The following DBF4 variants were observed in gnomAD, a reference collection of about 807,000 sequenced individuals.
DBF4 encodes the protein protein DBF4 homolog A.
In DBF4, 25 loss-of-function variants were observed where a neutral mutation model predicts 76.6. That is an observed-to-expected ratio of 0.33 (90% CI 0.24 to 0.46). The LOEUF (loss-of-function observed/expected upper bound fraction) is 0.46. Ranked by LOEUF, DBF4 falls within the 20% of genes least tolerant of loss-of-function variation. The pLI, the probability that DBF4 is intolerant of heterozygous loss-of-function variation, is 1.00. For synonymous variants in DBF4, 213 were observed against 258.0 expected (o/e 0.83, Z 1.67); for missense variants, 638 against 760.8 (o/e 0.84, Z 1.90).
rs749607020 is a variant in DBF4 at position 87,887,392 on chromosome 7, A to T, written c.514A>T (p.Ile172Phe). The T allele has an allele frequency of 6.4e-7, 1 of 1,569,788 alleles. No homozygotes were observed. Among genetic ancestry groups the T allele is most frequent in the East Asian group, 2.3e-5 (1 of 43,980 alleles). ...GTCATGGGGAGTAAAAATTCTTCAT[A>T]TTGATGGTAAGGATTTTATAATTGT... ...ALSWGVKILH[I>F]DDIRYYIEQK... The change falls in exon 5 of 12, where the codon ATT becomes TTT. Residue 172 changes from isoleucine to phenylalanine, a missense_variant. Physicochemically the swap from Ile to Phe is conservative, Grantham distance 21 (BLOSUM62 0). Transcript: ENST00000265728.
chr7:87,886,406 G>A (rs928220243), intron 3 of DBF4, among the ~76,000 whole-genome samples: 10 of 151,662 alleles, frequency 6.6e-5, no homozygotes, highest in East Asian at 1.9e-4. Flanking sequence ...ATGATGGTGC[G>A]TGCCTGTAGT....
At chr7:87,889,865 A>C (rs1213310071) in intron 6 of DBF4, among the ~76,000 whole-genome samples, 4 of 152,234 alleles carry the variant, frequency 2.6e-5, no homozygotes, top group Non-Finnish European at 4.4e-5. Context: ...CAAGGATTAG[A>C]TAATAGGTCT....
In DBF4 at chr7:87,880,811, T is replaced by TAG. The variant is rs532359377; in HGVS notation, c.219+2587_219+2588insGA. ...TTAATAGTGCAAGAAAAGTAGGTGTTACAGAACCATCTAAGGAGGACATGG... is the reference window on the plus strand; with the variant it reads ...TTAATAGTGCAAGAAAAGTAGGTGTTAGACAGAACCATCTAAGGAGGACATGG... On this transcript the variant is annotated intron_variant, in intron 2 of 11. Transcript: ENST00000265728. Among the ~76,000 whole-genome samples, 11 of 152,274 alleles carry TAG rather than the reference T, an allele frequency of 7.2e-5. No individual in the cohort carries two copies. In the East Asian group the frequency reaches 2.1e-3, roughly 29 times the overall value.
intron 10 of DBF4, among the ~76,000 whole-genome samples, chr7:87,903,456 T>C (rs981441731): frequency 6.6e-6 from 1 of 152,222 alleles, no homozygotes; most frequent in African/African-American, 2.4e-5. Flanking sequence ...TCATTTGTTT[T>C]GGTCATTCCC....
At chr7:87,887,544 G>T in intron 5 of DBF4, 146 bp downstream of exon 5, 1 of 981,462 alleles carries the variant, frequency 1.0e-6, no homozygotes, top group Non-Finnish European at 1.4e-6. Context: ...CCTGAAACTG[G>T]GTAATGTACA....
In DBF4 at chr7:87,887,334, T is replaced by C. The variant is rs1334937355; in HGVS notation, c.456T>C (p.Phe152=). The change falls in exon 5 of 12, where the codon TTT becomes TTC. Residue 152 remains phenylalanine (F), a synonymous_variant. Coordinates refer to ENST00000265728, the MANE Select transcript of DBF4 (RefSeq NM_006716.4). The part of the protein sequence containing the change: ...LVEKAIKDHD[F]IPSNSILSNA... ...TAAAACTTTTTTTTTTACAGGATTTTATTCCTTCAAATAGTATATTATCAA... is the reference window on the plus strand; with the variant it reads ...TAAAACTTTTTTTTTTACAGGATTTCATTCCTTCAAATAGTATATTATCAA... 6.5e-7 allele frequency: 1 copy of C among 1,534,794 alleles called. No individual in the cohort carries two copies. Among genetic ancestry groups the C allele is most frequent in the East Asian group, 2.3e-5 (1 of 43,940 alleles).
intron 2 of DBF4, among the ~76,000 whole-genome samples, chr7:87,880,970 T>G (rs115915122): frequency 6.3e-4 from 96 of 152,366 alleles, no homozygotes; most frequent in African/African-American, 2.3e-3. Flanking sequence ...CATGATCACC[T>G]TGAGTCATCA....
Position 87,886,863 on chromosome 7 carries a change from A to G in DBF4, c.419A>G (p.Lys140Arg). The change falls in exon 4 of 12, where the codon AAA (lysine) becomes AGA (arginine). Residue 140 changes from lysine (K) to arginine (R), a missense_variant. Physicochemically the swap from Lys to Arg is conservative, Grantham distance 26. Transcript: ENST00000265728. Reference protein sequence around the residue: ...SPDTVCLSRGKLLVEKAIKDH... With the variant: ...SPDTVCLSRGRLLVEKAIKDH... ...TTATAGGTGTGTTTAAGCAGAGGAA[A>G]ATTATTAGTTGAAAAAGCTATCAAG... 1 of 1,570,548 alleles carries G rather than the reference A, an allele frequency of 6.4e-7. No homozygotes were observed. The highest frequency in any genetic ancestry group is 8.7e-7 in the Non-Finnish European group (1 of 1,147,436).
intron 8 of DBF4, among the ~76,000 whole-genome samples, chr7:87,899,976 C>G (rs931777027): frequency 7.9e-5 from 12 of 152,068 alleles, no homozygotes; most frequent in African/African-American, 2.9e-4. Context: ...ATTGTGAATA[C>G]TTAATGCAAC....
At position 87,876,882 on chromosome 7, in the gene DBF4, T is replaced by G. The variant is rs557874755; in HGVS notation, c.46+104T>G. On this transcript the variant is annotated intron_variant, in intron 1 of 11. Coordinates refer to ENST00000265728, the MANE Select transcript of DBF4 (RefSeq NM_006716.4). ...CTCCCGCCGGGTCCTCAGCTTCTTT[T>G]CTTCTGACCGGCCTCTGGGGTCTGA... 2.0e-3 allele frequency: 2,522 copies of G among 1,286,888 alleles called. 11 individuals are homozygous for G. Among genetic ancestry groups the G allele is most frequent in the Non-Finnish European group, 2.3e-3 (2,101 of 903,116 alleles). The allele number at this position is 1,286,888 out of a possible 1,614,324, so 79.7% of individuals were successfully genotyped here. A position where few individuals can be genotyped will look rare whatever the true frequency, so the allele number is the denominator to read the frequency against.
At chr7:87,897,387 G>C in intron 8 of DBF4, 48 bp downstream of exon 8, 1 of 1,554,442 alleles carries the variant, frequency 6.4e-7, no homozygotes, top group South Asian at 1.2e-5. Context: ...ATACTAAAGA[G>C]GAAAATCACC....
chr7:87,902,083 T>C (rs1258395843), intron 10 of DBF4, among the ~76,000 whole-genome samples: 1 of 152,178 alleles, frequency 6.6e-6, no homozygotes, highest in Non-Finnish European at 1.5e-5. Flanking sequence ...AAATTAAAAT[T>C]ACAGATTGGT....
chr7:87,888,289 A>G (rs1839411041), intron 6 of DBF4: 1 of 985,034 alleles, frequency 1.0e-6, no homozygotes, highest in African/African-American at 1.7e-5. Flanking sequence ...CCCTTTTGTT[A>G]CTGCTGTTTT....
Position 87,907,319 on chromosome 7 carries a change from A to C in DBF4, c.1181A>C (p.Glu394Ala). The C allele has an allele frequency of 6.2e-7, 1 of 1,614,050 alleles. No individual in the cohort carries two copies. The highest frequency in any genetic ancestry group is 2.2e-5 in the East Asian group (1 of 44,854). ...CAGGAAGATGATACAACAGTGAAGG[A>C]GCAGAATTTCCTGTATAAAGAGACC... ...DCQEDDTTVK[E>A]QNFLYKETQE... is the part of the protein sequence containing the mutation. Residue 394 changes from glutamate to alanine, a missense_variant, in exon 12 of 12, where the codon GAG becomes GCG. Coordinates refer to ENST00000265728, the MANE Select transcript of DBF4 (RefSeq NM_006716.4).
chr7:87,902,265 G>A (rs1488798760), intron 10 of DBF4, among the ~76,000 whole-genome samples: 3 of 152,124 alleles, frequency 2.0e-5, no homozygotes, highest in African/African-American at 7.2e-5. Context: ...GAAATTTAAG[G>A]TCATGTTTTT....
intron 6 of DBF4, among the ~76,000 whole-genome samples, chr7:87,891,895 A>C (rs774341972): frequency 6.6e-6 from 1 of 152,144 alleles, no homozygotes; most frequent in African/African-American, 2.4e-5. Context: ...TAATGCTATA[A>C]ATTTTCTTTA....
At chr7:87,881,147 A>G (rs529581773) in intron 2 of DBF4, among the ~76,000 whole-genome samples, 3 of 152,314 alleles carry the variant, frequency 2.0e-5, no homozygotes, top group Non-Finnish European at 4.4e-5. Context: ...AGGCTCACGC[A>G]TGTAATCCTA....
intron 2 of DBF4, among the ~76,000 whole-genome samples, chr7:87,884,056 A>G (rs1286523299): frequency 6.6e-6 from 1 of 152,180 alleles, no homozygotes; most frequent in Non-Finnish European, 1.5e-5. Flanking sequence ...ACATTTTAGT[A>G]AAGAAATTCT....
intron 11 of DBF4, among the ~76,000 whole-genome samples, chr7:87,905,683 A>C (rs1174527781): frequency 6.6e-6 from 1 of 152,234 alleles, no homozygotes; most frequent in South Asian, 2.1e-4. Flanking sequence ...GACTAATCTT[A>C]CTTAAGACAT....
Sources: allele counts gnomAD v4.1 joint callset (sites outside exome capture counted in the v4.1 genomes callset), GRCh38; gene constraint gnomAD v4.1.1; transcripts MANE v1.5; gene names NCBI Gene and HGNC (gene_info 2026-07-23, HGNC 2026-07-21).